The following AHDC1 variants were observed in gnomAD, a reference collection of about 807,000 sequenced individuals.
AHDC1 encodes the protein AT-hook DNA binding motif containing 1, also known as transcription factor Gibbin.
A neutral mutation model predicts 87.9 loss-of-function variants in AHDC1; 7 were observed. The ratio of observed to expected loss-of-function variants is 0.08; its 90% CI spans 0.05 to 0.15. The LOEUF is 0.15. AHDC1 is among the 10% of genes least tolerant of loss of function. The probability of loss-of-function intolerance (pLI) is 1.00; values close to 1 mark genes in which losing one functional copy is unlikely to be tolerated. For synonymous variants in AHDC1, 1,051 were observed against 1,006.8 expected, an observed-to-expected ratio of 1.04 and a Z score of -0.83; for missense variants, 1,841 against 2,253.2, an observed-to-expected ratio of 0.82 and a Z score of 3.70.
chr1:27,538,678 C>CT (rs1323832420), intron 8 of AHDC1, among the ~76,000 whole-genome samples: 1 of 151,970 alleles, frequency 6.6e-6, no homozygotes, highest in Admixed American at 6.6e-5. Flanking sequence ...CCACACCTGG[C>CT]TAATTATTTT....
rs897695189 is a variant in AHDC1, at chr1:27,547,085, C to G, written c.*43+176G>C. 7.2e-5 allele frequency among the ~76,000 whole-genome samples: 11 copies of G among 152,022 alleles called. No individual in the cohort carries two copies. The highest frequency in any genetic ancestry group is 2.4e-4 in the African/African-American group (10 of 41,354). ...CCCAGCCCAAGCACCCCATCTCCTCCTGAGACTGTCCGCAACAGCGAATCC... is the reference window on the plus strand; with the variant it reads ...CCCAGCCCAAGCACCCCATCTCCTCGTGAGACTGTCCGCAACAGCGAATCC... On this transcript the variant is annotated intron_variant, in intron 8 of 8. Coordinates refer to ENST00000673934, the MANE Select transcript of AHDC1 (RefSeq NM_001371928.1). This position sits in a 1 kb window ranked among gnomAD's most constrained non-coding sequence, Gnocchi z 4.9.
chr1:27,580,140 T>C (rs2088865977), intron 3 of AHDC1, among the ~76,000 whole-genome samples: 1 of 151,596 alleles, frequency 6.6e-6, no homozygotes, highest in East Asian at 1.9e-4. Flanking sequence ...GGAGGGAGGG[T>C]AGATTCCAGA....
intron 8 of AHDC1, among the ~76,000 whole-genome samples, chr1:27,542,843 G>T (rs927206239): frequency 1.3e-5 from 2 of 152,210 alleles, no homozygotes; most frequent in African/African-American, 4.8e-5. Context: ...TCAGAACAAG[G>T]CCTGGCCTAA....
At chr1:27,599,967 A>T (rs1363538756) in intron 3 of AHDC1, among the ~76,000 whole-genome samples, 3 of 151,642 alleles carry the variant, frequency 2.0e-5, no homozygotes, top group Admixed American at 2.0e-4. Flanking sequence ...ACAACCCCAG[A>T]ATCTGATCTT....
At chr1:27,566,142 G>A (rs2020304665) in intron 3 of AHDC1, among the ~76,000 whole-genome samples, 1 of 152,206 alleles carries the variant, frequency 6.6e-6, no homozygotes, top group Non-Finnish European at 1.5e-5. Flanking sequence ...CTGAAAGAAA[G>A]ATATGTATTT....
intron 3 of AHDC1, chr1:27,568,341 G>A (rs2020411375): frequency 6.6e-6 from 1 of 152,428 alleles, no homozygotes; most frequent in Non-Finnish European, 1.5e-5. Flanking sequence ...TGCAGAAAGT[G>A]GTACTTGGCA....
chr1:27,569,141 C>T (rs951020308), intron 3 of AHDC1, among the ~76,000 whole-genome samples: 17 of 150,600 alleles, frequency 1.1e-4, no homozygotes, highest in African/African-American at 4.2e-4. Context: ...GGGACACTGA[C>T]GCAGTCACAT....
At chr1:27,579,489 C>T (rs1419012824) in intron 3 of AHDC1, among the ~76,000 whole-genome samples, 1 of 152,184 alleles carries the variant, frequency 6.6e-6, no homozygotes. Flanking sequence ...TCATCAATCC[C>T]CAATATCTAG....
intron 3 of AHDC1, among the ~76,000 whole-genome samples, chr1:27,567,421 G>A (rs1338178888): frequency 1.3e-5 from 2 of 152,194 alleles, no homozygotes; most frequent in African/African-American, 4.8e-5. Flanking sequence ...CATCGGCTCA[G>A]TGTGGTGTTG....
intron 3 of AHDC1, among the ~76,000 whole-genome samples, chr1:27,559,723 A>G (rs1358131511): frequency 6.6e-6 from 1 of 152,154 alleles, no homozygotes; most frequent in African/African-American, 2.4e-5. Context: ...TTCCATCAGT[A>G]ACTAGTTATG....
intron 3 of AHDC1, among the ~76,000 whole-genome samples, chr1:27,575,107 G>A (rs1034356680): frequency 7.9e-5 from 12 of 152,294 alleles, no homozygotes; most frequent in Admixed American, 7.2e-4. Flanking sequence ...CCTCTGGCTG[G>A]AGCAAGAAGC....
intron 3 of AHDC1, among the ~76,000 whole-genome samples, chr1:27,566,792 G>A (rs2020339601): frequency 1.4e-5 from 2 of 145,092 alleles, no homozygotes; most frequent in Non-Finnish European, 3.0e-5. Flanking sequence ...TCTGGTTTCA[G>A]CTGGGGCAGT....
At position 27,563,313 on chromosome 1, in the gene AHDC1, C is replaced by T. The variant is rs946173979; in HGVS notation, c.-628-4430G>A. On this transcript the variant is annotated intron_variant, in intron 3 of 8. Transcript: ENST00000673934. This position sits in a 1 kb window ranked among gnomAD's most constrained non-coding sequence, Gnocchi z 6.1. Reference sequence around the variant, plus strand: ...TGACCAAGACACACACACATGCACACACACACAGAACCTGTCACACAGCTG... The same window carrying T: ...TGACCAAGACACACACACATGCACATACACACAGAACCTGTCACACAGCTG... 5.3e-5 allele frequency among the ~76,000 whole-genome samples: 8 copies of T among 151,774 alleles called. No individual in the cohort carries two copies. The highest frequency in any genetic ancestry group is 3.2e-3 in the Middle Eastern group (1 of 316).
chr1:27,562,047 G>A lies in AHDC1; in HGVS notation c.-628-3164C>T, dbSNP rs1035666407. Among the ~76,000 whole-genome samples, 13 of 152,104 alleles carry A rather than the reference G, an allele frequency of 8.5e-5. No homozygotes were observed. Among genetic ancestry groups the A allele is most frequent in the Admixed American group, 6.5e-4 (10 of 15,276 alleles). On this transcript the variant is annotated intron_variant, in intron 3 of 8. Coordinates refer to ENST00000673934, the MANE Select transcript of AHDC1 (RefSeq NM_001371928.1). This position sits in a 1 kb window ranked among gnomAD's most constrained non-coding sequence, Gnocchi z 4.4. ...AAGCGAGCCAGGCAGAGATGGGAAA[G>A]GCAGGAGAGAGCAGGGACCAGGGGT... is the stretch of plus-strand genomic sequence containing the variant.
intron 3 of AHDC1, among the ~76,000 whole-genome samples, chr1:27,585,006 C>G (rs2089010670): frequency 1.3e-5 from 2 of 152,038 alleles, no homozygotes; most frequent in South Asian, 4.1e-4. Context: ...AACCCTGTCT[C>G]TACTAAAAAT....
At position 27,566,542 on chromosome 1, in the gene AHDC1, G is replaced by A. The variant is rs2020323225; in HGVS notation, c.-628-7659C>T. On this transcript the variant is annotated intron_variant, in intron 3 of 8. Transcript: ENST00000673934. Reference sequence around the variant, plus strand: ...GACCCGGGAGCTGGAGACAGACAGAGGGACTGACACACCCAGAGCCCCACA... The same window carrying A: ...GACCCGGGAGCTGGAGACAGACAGAAGGACTGACACACCCAGAGCCCCACA... 2.0e-5 allele frequency among the ~76,000 whole-genome samples: 3 copies of A among 151,700 alleles called. No individual in the cohort carries two copies. In the South Asian group the frequency reaches 6.3e-4, roughly 32 times the overall value.
At chr1:27,596,791 TACAC>T (rs766948499) in intron 3 of AHDC1, among the ~76,000 whole-genome samples, 1 of 151,900 alleles carries the variant, frequency 6.6e-6, no homozygotes, top group East Asian at 1.9e-4. Context: ...ACACCCATCT[TACAC>T]ACACACCTAT....
rs1276972933 is a variant in AHDC1 at position 27,598,013 on chromosome 1, T to C, written c.-629+5384A>G. 6.6e-6 allele frequency among the ~76,000 whole-genome samples: 1 copy of C among 152,176 alleles called. No individual in the cohort carries two copies. Among genetic ancestry groups the C allele is most frequent in the Non-Finnish European group, 1.5e-5 (1 of 68,038 alleles). On this transcript the variant is annotated intron_variant, in intron 3 of 8. Transcript: ENST00000673934. The surrounding 1 kb of genome is among the most constrained non-coding windows in gnomAD (Gnocchi z 4.2). The stretch of plus-strand genomic sequence containing the variant: ...GTCTGTGTGTGGGTGTCTCTGTCCA[T>C]CTGTTTCACCACCCATCTGTCTGGC...
rs193181200 is a variant in AHDC1, at chr1:27,574,872, C to T, written c.-628-15989G>A. On this transcript the variant is annotated intron_variant, in intron 3 of 8. Coordinates refer to ENST00000673934, the MANE Select transcript of AHDC1 (RefSeq NM_001371928.1). The stretch of plus-strand genomic sequence containing the variant: ...CATACCTACTCCTGGATTCTCAGGG[C>T]TCTTGTAAAATGAAGCCCCTCCCAT... Among the ~76,000 whole-genome samples the T allele has an allele frequency of 2.1e-3, 325 of 152,296 alleles. 1 individual carries two copies. Among genetic ancestry groups the T allele is most frequent in the African/African-American group, 7.6e-3 (315 of 41,556 alleles).
Sources: gnomAD v4.1 joint callset for allele counts (sites outside exome capture counted in the v4.1 genomes callset) on GRCh38, gnomAD v4.1.1 for gene constraint, Gnocchi (gnomAD v3.1) non-coding constraint, MANE v1.5 for transcripts, NCBI Gene and HGNC (gene_info 2026-07-23, HGNC 2026-07-21) for gene names.